Variants in SGCZ observed in about 807,000 individuals in gnomAD.
SGCZ encodes the protein zeta-sarcoglycan.
A neutral mutation model predicts 41.3 loss-of-function variants in SGCZ; 40 were observed. That is an observed-to-expected ratio of 0.97 (90% CI 0.75 to 1.26). SGCZ has a LOEUF of 1.26. Among genes scored for constraint, SGCZ ranks in the 50% most tolerant of loss-of-function variants. SGCZ has a pLI of 0.00. For synonymous variants in SGCZ, 206 were observed against 137.5 expected (o/e 1.50, Z -3.49); for missense variants, 552 against 369.8 (o/e 1.49, Z -4.04).
At chr8:15,001,568 A>C (rs1802422182) in intron 1 of SGCZ, among the ~76,000 whole-genome samples, 1 of 151,990 alleles carries the variant, frequency 6.6e-6, no homozygotes, top group Non-Finnish European at 1.5e-5. Flanking sequence ...TCTCTACTAA[A>C]AATGCAAAAA....
At chr8:14,236,482 C>A (rs1157839934) in intron 4 of SGCZ, among the ~76,000 whole-genome samples, 1 of 151,840 alleles carries the variant, frequency 6.6e-6, no homozygotes, top group Non-Finnish European at 1.5e-5. Context: ...TACACAGAAT[C>A]AAAATTCATG....
intron 1 of SGCZ, among the ~76,000 whole-genome samples, chr8:15,168,848 C>T (rs1585634418): frequency 6.6e-6 from 1 of 152,296 alleles, no homozygotes; most frequent in African/African-American, 2.4e-5. Context: ...TTTCCCAAAC[C>T]TTAAACTAGT....
At chr8:14,273,332 A>T (rs1316865613) in intron 3 of SGCZ, among the ~76,000 whole-genome samples, 1 of 152,264 alleles carries the variant, frequency 6.6e-6, no homozygotes, top group African/African-American at 2.4e-5. Flanking sequence ...TCCTTCCTTT[A>T]TCATCCAGCA....
At chr8:14,959,612 A>G (rs1176464191) in intron 1 of SGCZ, among the ~76,000 whole-genome samples, 1 of 152,284 alleles carries the variant, frequency 6.6e-6, no homozygotes, top group East Asian at 1.9e-4. Flanking sequence ...TCCACCAACA[A>G]CAGCAGAAAG....
At chr8:14,685,794 AG>A (rs1447251607) in intron 1 of SGCZ, among the ~76,000 whole-genome samples, 1 of 152,158 alleles carries the variant, frequency 6.6e-6, no homozygotes, top group Non-Finnish European at 1.5e-5. Flanking sequence ...CACAGCTGTT[AG>A]GAAAAAAACC....
At chr8:14,714,653 A>G (rs530786987) in intron 1 of SGCZ, among the ~76,000 whole-genome samples, 4 of 152,230 alleles carry the variant, frequency 2.6e-5, no homozygotes, top group African/African-American at 9.6e-5. Flanking sequence ...AGAAAATTTA[A>G]TGTAAAATAT....
intron 1 of SGCZ, among the ~76,000 whole-genome samples, chr8:15,229,237 G>T (rs1801872567): frequency 6.6e-6 from 1 of 152,100 alleles, no homozygotes; most frequent in African/African-American, 2.4e-5. Flanking sequence ...CAGAAGAGAT[G>T]TGAAATACTG....
At chr8:14,620,011 G>C (rs937803843) in intron 1 of SGCZ, among the ~76,000 whole-genome samples, 3 of 152,154 alleles carry the variant, frequency 2.0e-5, no homozygotes, top group Non-Finnish European at 2.9e-5. Flanking sequence ...AACAAAGTGG[G>C]AGGCATCACA....
At chr8:15,020,187 A>G (rs1263754027) in intron 1 of SGCZ, among the ~76,000 whole-genome samples, 2 of 152,100 alleles carry the variant, frequency 1.3e-5, no homozygotes, top group Non-Finnish European at 2.9e-5. Flanking sequence ...TGCTACCCCA[A>G]AAGGCTTTCC....
rs75604146 is a variant in SGCZ at position 14,849,244 on chromosome 8, T to C, written c.40-294318A>G. On this transcript the variant is annotated intron_variant, in intron 1 of 7. Transcript: ENST00000382080. ...ACTGGTGGAAATGTAAAACAAGAAA[T>C]CTTTTTTAAAAAGAATTTATCAAAT... Among the ~76,000 whole-genome samples the C allele has an allele frequency of 3.0e-3, 452 of 152,204 alleles. 7 individuals are homozygous for C. In the East Asian group the frequency reaches 0.033, roughly 11 times the overall value.
chr8:14,292,253 T>C (rs1251574486), intron 3 of SGCZ, among the ~76,000 whole-genome samples: 1 of 152,026 alleles, frequency 6.6e-6, no homozygotes, highest in Non-Finnish European at 1.5e-5. Context: ...TTGTAGTACA[T>C]ATACAAGTGT....
At chr8:15,188,458 C>A (rs1800420601) in intron 1 of SGCZ, among the ~76,000 whole-genome samples, 2 of 152,090 alleles carry the variant, frequency 1.3e-5, no homozygotes, top group African/African-American at 2.4e-5. Flanking sequence ...ATCAGTTTCA[C>A]TGGGGACAAT....
In SGCZ at chr8:14,783,049, T is replaced by C. The variant is rs115551166; in HGVS notation, c.40-228123A>G. Among the ~76,000 whole-genome samples, 546 of 152,346 alleles carry C rather than the reference T, an allele frequency of 3.6e-3. 1 individual carries two copies. Among genetic ancestry groups the C allele is most frequent in the African/African-American group, 0.012 (496 of 41,578 alleles). ...TGTATTATTTTAAATTCAAATGTTTTACAAATTTATTCTTTACCCATGAGA... is the reference window on the plus strand; with the variant it reads ...TGTATTATTTTAAATTCAAATGTTTCACAAATTTATTCTTTACCCATGAGA... On this transcript the variant is annotated intron_variant, in intron 1 of 7. Transcript: ENST00000382080.
intron 2 of SGCZ, among the ~76,000 whole-genome samples, chr8:14,420,620 T>C (rs1311481263): frequency 6.6e-6 from 1 of 152,024 alleles, no homozygotes; most frequent in Non-Finnish European, 1.5e-5. Flanking sequence ...AGCTCAGAAA[T>C]GTGTTTGCAC....
At chr8:14,525,361 G>A (rs1187941544) in intron 2 of SGCZ, among the ~76,000 whole-genome samples, 8 of 152,024 alleles carry the variant, frequency 5.3e-5, no homozygotes, top group African/African-American at 1.9e-4. Context: ...GTTTTGTTCT[G>A]TCTTCTAAGG....
chr8:14,438,772 T>G (rs1308987898), intron 2 of SGCZ, among the ~76,000 whole-genome samples: 1 of 151,958 alleles, frequency 6.6e-6, no homozygotes. Context: ...TAACATTATA[T>G]TAATTAATAA....
intron 1 of SGCZ, among the ~76,000 whole-genome samples, chr8:14,815,439 T>G (rs1036039914): frequency 6.6e-6 from 1 of 151,796 alleles, no homozygotes; most frequent in Non-Finnish European, 1.5e-5. Flanking sequence ...AGGGACTAGA[T>G]GGATGTAGAG....
chr8:14,881,584 G>A (rs1585345471), intron 1 of SGCZ, among the ~76,000 whole-genome samples: 1 of 152,076 alleles, frequency 6.6e-6, no homozygotes, highest in African/African-American at 2.4e-5. Context: ...GAGTTGCCTT[G>A]CATTGGCCAA....
At chr8:14,677,366 A>G (rs1808309889) in intron 1 of SGCZ, among the ~76,000 whole-genome samples, 1 of 152,208 alleles carries the variant, frequency 6.6e-6, no homozygotes, top group South Asian at 2.1e-4. Flanking sequence ...TTGTCAATAT[A>G]TTAGTTCTTC....
Sources: gnomAD v4.1 joint callset for allele counts (sites outside exome capture counted in the v4.1 genomes callset) on GRCh38, gnomAD v4.1.1 for gene constraint, MANE v1.5 for transcripts, NCBI Gene and HGNC (gene_info 2026-07-23, HGNC 2026-07-21) for gene names.